PLCB1: variants seen among roughly 807,000 people sequenced by gnomAD.
PLCB1 encodes the protein phospholipase C beta 1, also known as 1-phosphatidylinositol 4,5-bisphosphate phosphodiesterase beta-1.
A neutral mutation model predicts 161.8 loss-of-function variants in PLCB1; 46 were observed. That is an observed-to-expected ratio of 0.28 (90% confidence interval 0.22 to 0.36). The LOEUF (loss-of-function observed/expected upper bound fraction) is 0.36, where lower values mean the gene tolerates loss of function less well. Among genes scored for constraint, PLCB1 ranks in the 10% least tolerant of loss-of-function variants. The probability of loss-of-function intolerance (pLI) is 1.00; values close to 1 mark genes in which losing one functional copy is unlikely to be tolerated. For synonymous variants in PLCB1, 517 were observed against 503.7 expected (o/e 1.03, Z -0.35); for missense variants, 1,016 against 1,472.5 (o/e 0.69, Z 5.07).
intron 31 of PLCB1, among the ~76,000 whole-genome samples, chr20:8,860,727 A>C (rs1012405545): frequency 6.6e-6 from 1 of 152,240 alleles, no homozygotes; most frequent in Non-Finnish European, 1.5e-5. Context: ...ATGTCAGTGC[A>C]TTCTCATGTG....
At chr20:8,831,640 T>C (rs1985985229) in intron 31 of PLCB1, among the ~76,000 whole-genome samples, 1 of 152,110 alleles carries the variant, frequency 6.6e-6, no homozygotes, top group Admixed American at 6.5e-5. Flanking sequence ...ACTTATTTAT[T>C]TATTTTAGAG....
rs2051306182 is a variant in PLCB1, at chr20:8,132,802, G to A, written c.99+52G>A. 4 of 1,384,534 alleles carry A rather than the reference G, an allele frequency of 2.9e-6. No individual in the cohort carries two copies. Among genetic ancestry groups the A allele is most frequent in the Non-Finnish European group, 4.1e-6 (4 of 980,706 alleles). 85.8% of individuals were successfully genotyped at this position (1,384,534 alleles called of 1,614,324 possible). A position where few individuals can be genotyped will look rare whatever the true frequency, so the allele number is the denominator to read the frequency against. On this transcript the variant is annotated intron_variant, in intron 1 of 31. Transcript: ENST00000338037. This position sits in a 1 kb window ranked among gnomAD's most constrained non-coding sequence, Gnocchi z 5.2. ...GGCGCTGGCTCGGGCACCGGGCAGG[G>A]CGGGCGTCGTGGGGGTGGGGCAAGG...
At chr20:8,291,075 C>T (rs995651280) in intron 2 of PLCB1, among the ~76,000 whole-genome samples, 2 of 151,464 alleles carry the variant, frequency 1.3e-5, no homozygotes, top group Non-Finnish European at 2.9e-5. Context: ...AAAGAAATGC[C>T]CCATCAAACT....
chr20:8,296,874 C>A (rs1983654060), intron 2 of PLCB1, among the ~76,000 whole-genome samples: 1 of 152,124 alleles, frequency 6.6e-6, no homozygotes, highest in South Asian at 2.1e-4. Flanking sequence ...CATGAAATGA[C>A]CATATGTTTG....
At chr20:8,497,634 G>A (rs1272363609) in intron 3 of PLCB1, among the ~76,000 whole-genome samples, 2 of 152,090 alleles carry the variant, frequency 1.3e-5, no homozygotes, top group Non-Finnish European at 1.5e-5. Flanking sequence ...CTGGATTATA[G>A]TTTTAGATGA....
At chr20:8,614,584 CTGTG>C (rs71331317) in intron 3 of PLCB1, among the ~76,000 whole-genome samples, 18,328 of 147,058 alleles carry the variant, frequency 0.12, 1,241 homozygotes, top group South Asian at 0.25. Context: ...ATGTAAAATT[CTGTG>C]TGTGTGTGTG....
chr20:8,879,576 G>A (rs1310412969), intron 31 of PLCB1, among the ~76,000 whole-genome samples: 1 of 151,912 alleles, frequency 6.6e-6, no homozygotes, highest in African/African-American at 2.4e-5. Context: ...TCATGTCAAT[G>A]AGTCTGCCAC....
In PLCB1 at chr20:8,884,253, A is replaced by G. The variant is rs910026983; in HGVS notation, c.*2404A>G. 2.0e-5 allele frequency: 3 copies of G among 152,594 alleles called. No homozygotes were observed. Among genetic ancestry groups the G allele is most frequent in the African/African-American group, 7.2e-5 (3 of 41,446 alleles). The allele number at this position is 152,594 out of a possible 1,614,324, so 9.5% of individuals were successfully genotyped here. A position where few individuals can be genotyped will look rare whatever the true frequency, so the allele number is the denominator to read the frequency against. Reference sequence around the variant, plus strand: ...TACAATGATACTATCATTTAATAATATTAATATTACTTGAAATAGACTAAG... The same window carrying G: ...TACAATGATACTATCATTTAATAATGTTAATATTACTTGAAATAGACTAAG... On this transcript the variant is annotated 3_prime_UTR_variant, in exon 32 of 32. Transcript: ENST00000338037.
At chr20:8,786,897 G>T (rs1403448002) in intron 27 of PLCB1, among the ~76,000 whole-genome samples, 1 of 151,876 alleles carries the variant, frequency 6.6e-6, no homozygotes, top group African/African-American at 2.4e-5. Flanking sequence ...TAGAGACAGG[G>T]TTTTACCGTG....
chr20:8,283,558 A>G (rs924543003), intron 2 of PLCB1, among the ~76,000 whole-genome samples: 2 of 132,560 alleles, frequency 1.5e-5, no homozygotes, highest in African/African-American at 6.0e-5. Flanking sequence ...ATAAATAAAT[A>G]AAATAAATCA....
At chr20:8,157,757 G>A (rs1056897385) in intron 2 of PLCB1, among the ~76,000 whole-genome samples, 7 of 152,136 alleles carry the variant, frequency 4.6e-5, no homozygotes, top group African/African-American at 1.7e-4. Flanking sequence ...GCCTTTTAAA[G>A]TATATTTTAA....
Position 8,729,187 on chromosome 20 carries a change from T to TC in PLCB1, c.1888+13_1888+14insC. ...TTCCAGACAATGGGTAAGTACATGC[T>TC]TGTTCCCATTCTGCTATGAACTCAC... On this transcript the variant is annotated intron_variant, in intron 18 of 31. Coordinates refer to ENST00000338037, the MANE Select transcript of PLCB1 (RefSeq NM_015192.4). 1 of 1,596,232 alleles carries TC rather than the reference T, an allele frequency of 6.3e-7. No individual in the cohort carries two copies. The highest frequency in any genetic ancestry group is 1.1e-5 in the South Asian group (1 of 87,356).
intron 31 of PLCB1, among the ~76,000 whole-genome samples, chr20:8,842,790 A>G (rs1292305232): frequency 2.6e-5 from 4 of 152,188 alleles, no homozygotes; most frequent in African/African-American, 7.2e-5. Flanking sequence ...ACTTTTCCAT[A>G]CAATGTCTGA....
Position 8,132,585 on chromosome 20 carries a change from C to T in PLCB1, c.-67C>T. ...AAAGGAGCCCGCGCCCCGCGCCCCG[C>T]GCCCCGCGCACGGTCCCCAGTCCCT... On this transcript the variant is annotated 5_prime_UTR_variant, in exon 1 of 32. Coordinates refer to ENST00000338037, the MANE Select transcript of PLCB1 (RefSeq NM_015192.4). The surrounding 1 kb of genome is among the most constrained non-coding windows in gnomAD (Gnocchi z 5.2). 2 of 1,042,206 alleles carry T rather than the reference C, an allele frequency of 1.9e-6. No individual in the cohort carries two copies. The highest frequency in any genetic ancestry group is 1.7e-5 in the African/African-American group (1 of 58,814). 64.6% of individuals were successfully genotyped at this position (1,042,206 alleles called of 1,614,324 possible).
At position 8,603,483 on chromosome 20, in the gene PLCB1, T is replaced by C. The variant is rs113162739; in HGVS notation, c.247-24811T>C. Among the ~76,000 whole-genome samples, 1,244 of 152,310 alleles carry C rather than the reference T, an allele frequency of 8.2e-3. 14 individuals carry two copies. The highest frequency in any genetic ancestry group is 0.028 in the African/African-American group (1,163 of 41,566). On this transcript the variant is annotated intron_variant, in intron 3 of 31. Coordinates refer to ENST00000338037, the MANE Select transcript of PLCB1 (RefSeq NM_015192.4). ...GCTCCAAATGGGCCACTGCTCTCTCTACAAAGAGGAGGGAGCCTTCAACAC... is the reference window on the plus strand; with the variant it reads ...GCTCCAAATGGGCCACTGCTCTCTCCACAAAGAGGAGGGAGCCTTCAACAC...
chr20:8,856,899 A>G (rs1349699262), intron 31 of PLCB1, among the ~76,000 whole-genome samples: 2 of 152,234 alleles, frequency 1.3e-5, no homozygotes, highest in Non-Finnish European at 2.9e-5. Context: ...GCCTAAAACA[A>G]TAAGCATTTA....
intron 10 of PLCB1, among the ~76,000 whole-genome samples, chr20:8,694,040 C>T (rs534662961): frequency 2.6e-5 from 4 of 152,252 alleles, no homozygotes; most frequent in South Asian, 2.1e-4. Context: ...CAACCTTCAG[C>T]GATCCGCTAG....
intron 3 of PLCB1, among the ~76,000 whole-genome samples, chr20:8,381,916 G>A (rs1987265283): frequency 6.6e-6 from 1 of 151,942 alleles, no homozygotes; most frequent in Non-Finnish European, 1.5e-5. Flanking sequence ...TGGATTCATT[G>A]ATTTTTTTTG....
At chr20:8,549,601 G>A (rs1985702201) in intron 3 of PLCB1, among the ~76,000 whole-genome samples, 1 of 152,098 alleles carries the variant, frequency 6.6e-6, no homozygotes, top group Admixed American at 6.6e-5. Flanking sequence ...CTATGTTTTT[G>A]TTTTTGTTTT....
Sources: gnomAD v4.1 joint callset for allele counts (sites outside exome capture counted in the v4.1 genomes callset) on GRCh38, gnomAD v4.1.1 for gene constraint, Gnocchi (gnomAD v3.1) non-coding constraint, MANE v1.5 for transcripts, NCBI Gene and HGNC (gene_info 2026-07-23, HGNC 2026-07-21) for gene names.